The following HERC6 variants were observed in gnomAD, a reference collection of about 807,000 sequenced individuals.
HERC6 encodes HECT and RLD domain containing E3 ubiquitin protein ligase family member 6.
HERC6 carries 101 observed loss-of-function variants against 114.5 expected under a neutral mutation model. That is an observed-to-expected ratio of 0.88 (90% CI 0.75 to 1.04). The LOEUF is 1.04. Among genes scored for constraint, HERC6 ranks in the 50% least tolerant of loss-of-function variants. The probability of loss-of-function intolerance (pLI) is 0.00; values close to 1 mark genes in which losing one functional copy is unlikely to be tolerated. For synonymous variants in HERC6, 408 were observed against 436.2 expected, an observed-to-expected ratio of 0.94 and a Z score of 0.81; for missense variants, 1,133 against 1,230.9, an observed-to-expected ratio of 0.92 and a Z score of 1.19.
chr4:88,435,926 T>C, intron 18 of HERC6, 35 bp downstream of exon 18: 1 of 1,500,560 alleles, frequency 6.7e-7, no homozygotes, highest in African/African-American at 1.4e-5. Context: ...GGACCGTATC[T>C]AGTAAGTCTC....
intron 7 of HERC6, 78 bp from the exon 8 acceptor site, chr4:88,398,064 A>G (rs1431573755): frequency 2.3e-6 from 2 of 856,058 alleles, no homozygotes; most frequent in East Asian, 5.8e-5. Context: ...GTAAGTAAAT[A>G]AATTTTTGGC....
intron 19 of HERC6, among the ~76,000 whole-genome samples, chr4:88,437,244 A>G (rs1486601007): frequency 6.6e-6 from 1 of 151,906 alleles, no homozygotes; most frequent in South Asian, 2.1e-4. Context: ...CTTTGTAGAG[A>G]TGGGTTTTTG....
chr4:88,435,864 T>C lies in HERC6; in HGVS notation c.2390T>C (p.Leu797Ser). The C allele has an allele frequency of 1.2e-6, 2 of 1,609,560 alleles. No individual in the cohort carries two copies. The highest frequency in any genetic ancestry group is 1.7e-6 in the Non-Finnish European group (2 of 1,178,198). Residue 797 changes from leucine (L) to serine (S), a missense_variant, in exon 18 of 23, where the codon TTA becomes TCA. By Grantham distance (145) the Leu-to-Ser change is moderately radical (BLOSUM62 -2). This residue lies in a region of HERC6 where 388 missense variants were observed against 445.9 expected (regional missense o/e 0.87). Transcript: ENST00000264346. ...GACCAAAAGCCATCATTGGAAGATT[T>C]AAAAGAACTCAGTCCTCGGTTGGGG... is the stretch of plus-strand genomic sequence containing the variant. ...LLDQKPSLED[L>S]KELSPRLGKS...
chr4:88,396,410 T>A (rs1735231994), intron 6 of HERC6, among the ~76,000 whole-genome samples: 1 of 152,164 alleles, frequency 6.6e-6, no homozygotes, highest in Admixed American at 6.5e-5. Context: ...ATAGCAGAGC[T>A]TTCCTGCTTA....
intron 10 of HERC6, among the ~76,000 whole-genome samples, chr4:88,406,726 A>C (rs1226909858): frequency 5.9e-5 from 9 of 152,156 alleles, no homozygotes; most frequent in African/African-American, 2.2e-4. Context: ...TTAATCTAGC[A>C]AGGAGAAAAT....
intron 15 of HERC6, among the ~76,000 whole-genome samples, chr4:88,425,847 A>C (rs1156291682): frequency 6.6e-6 from 1 of 152,088 alleles, no homozygotes; most frequent in Non-Finnish European, 1.5e-5. Flanking sequence ...TGAAAAGTTT[A>C]TATCTATTTT....
rs543138183 is a variant in HERC6, at chr4:88,416,864, C to T, written c.1559-561C>T. Among the ~76,000 whole-genome samples the T allele has an allele frequency of 2.0e-5, 3 of 152,136 alleles. No homozygotes were observed. In the South Asian group the frequency reaches 6.2e-4, roughly 32 times the overall value. On this transcript the variant is annotated intron_variant, in intron 12 of 22. Coordinates refer to ENST00000264346, the MANE Select transcript of HERC6 (RefSeq NM_017912.4). Reference sequence around the variant, plus strand: ...ACATTTGCTTGATAATGTATTTTAACATCAAATTTATTTGTTTTCTGAGAG... The same window carrying T: ...ACATTTGCTTGATAATGTATTTTAATATCAAATTTATTTGTTTTCTGAGAG...
chr4:88,404,133 T>G (rs535036340), intron 8 of HERC6, among the ~76,000 whole-genome samples: 1 of 152,334 alleles, frequency 6.6e-6, no homozygotes, highest in Non-Finnish European at 1.5e-5. Context: ...GCATCTGGCT[T>G]ATTTCATTCG....
chr4:88,412,787 G>A (rs889626906), intron 11 of HERC6, among the ~76,000 whole-genome samples: 4 of 152,166 alleles, frequency 2.6e-5, no homozygotes, highest in Admixed American at 1.3e-4. Flanking sequence ...GAAGGGCTTT[G>A]TATTCGTTTT....
chr4:88,428,513 A>G, intron 15 of HERC6, 67 bp from the exon 16 acceptor site: 1 of 1,234,636 alleles, frequency 8.1e-7, no homozygotes, highest in Non-Finnish European at 1.1e-6. Flanking sequence ...TATTGGAAGT[A>G]TTAAACAATC....
intron 11 of HERC6, among the ~76,000 whole-genome samples, chr4:88,412,004 G>T (rs910210233): frequency 2.6e-5 from 4 of 152,150 alleles, no homozygotes; most frequent in Admixed American, 6.5e-5. Context: ...AAAGAAAAAC[G>T]ACTGGCAAGG....
intron 9 of HERC6, 47 bp from the exon 10 acceptor site, chr4:88,405,507 A>G (rs1735774829): frequency 2.0e-6 from 2 of 1,015,390 alleles, no homozygotes; most frequent in Admixed American, 2.7e-5. Context: ...TTCAAAAGGC[A>G]TGCTTTATTA....
At chr4:88,391,436 A>C (rs935445555) in intron 4 of HERC6, among the ~76,000 whole-genome samples, 2 of 152,222 alleles carry the variant, frequency 1.3e-5, no homozygotes, top group African/African-American at 2.4e-5. Context: ...GGTTTCCGTA[A>C]CTTCACTCTG....
At chr4:88,379,791 TAAATATATATAATATATAA>T (rs1734092139) in intron 1 of HERC6, among the ~76,000 whole-genome samples, 1 of 91,608 alleles carries the variant, frequency 1.1e-5, no homozygotes, top group Admixed American at 2.0e-4. Context: ...ATATAACATA[TAAATATATATAATATATAA>T]ATATATATAT....
At chr4:88,382,208 A>AAAGTATACCAT (rs1222697839) in intron 1 of HERC6, among the ~76,000 whole-genome samples, 4 of 152,192 alleles carry the variant, frequency 2.6e-5, no homozygotes, top group African/African-American at 9.7e-5. Flanking sequence ...ATGTTGCAAA[A>AAAGTATACCAT]ACTTTACTGG....
Position 88,378,932 on chromosome 4 carries a change from G to T in HERC6, c.11G>T (p.Cys4Phe). The change falls in exon 1 of 23, where the codon TGT becomes TTT. Residue 4 changes from cysteine (C) to phenylalanine (F), a missense_variant. Around this residue, in one of 3 missense-constraint regions of HERC6, gnomAD observed 735 missense variants for 754.0 expected, o/e 0.97. Coordinates refer to ENST00000264346, the MANE Select transcript of HERC6 (RefSeq NM_017912.4). ...GGGCGCAGAAGCGGGATGTACTTCT[G>T]TTGGGGCGCCGACTCCAGGGAGCTG... MYF[C>F]WGADSRELQR... 6.3e-7 allele frequency: 1 copy of T among 1,592,896 alleles called. No homozygotes were observed. The highest frequency in any genetic ancestry group is 8.5e-7 in the Non-Finnish European group (1 of 1,170,544).
chr4:88,388,276 C>T (rs919263441), intron 3 of HERC6, among the ~76,000 whole-genome samples: 2 of 151,752 alleles, frequency 1.3e-5, no homozygotes, highest in African/African-American at 4.8e-5. Context: ...ATAGGCTGGG[C>T]ACGGTGGCTC....
At position 88,380,365 on chromosome 4, in the gene HERC6, ATATATAAAT is replaced by A. The variant is rs1354786942; in HGVS notation, c.199+1246_199+1254del. 3.7e-3 allele frequency among the ~76,000 whole-genome samples: 109 copies of A among 29,842 alleles called. 8 individuals carry two copies. Among genetic ancestry groups the A allele is most frequent in the African/African-American group, 0.021 (108 of 5,042 alleles). The allele number at this position is 29,842 out of a possible 152,430, so 19.6% of individuals were successfully genotyped here. A position where few individuals can be genotyped will look rare whatever the true frequency, so the allele number is the denominator to read the frequency against. On this transcript the variant is annotated intron_variant, in intron 1 of 22. Transcript: ENST00000264346. ...TATATATAATATAAATATATATATA[ATATATAAAT>A]ATATATATATAATATATAAATATAT...
chr4:88,400,414 CT>C (rs1323513283), intron 8 of HERC6, among the ~76,000 whole-genome samples: 2 of 152,154 alleles, frequency 1.3e-5, no homozygotes. Flanking sequence ...TCAGGCTGGT[CT>C]TGAACTCTTG....
Sources: allele counts gnomAD v4.1 joint callset (sites outside exome capture counted in the v4.1 genomes callset), GRCh38; gene constraint gnomAD v4.1.1; regional missense constraint gnomAD v4.1.1; transcripts MANE v1.5; gene names NCBI Gene and HGNC (gene_info 2026-07-23, HGNC 2026-07-21).